CNOT6: variants seen among roughly 807,000 people sequenced by gnomAD.
The protein encoded by CNOT6 is carbon catabolite repression 4 protein.
CNOT6 carries 12 observed loss-of-function variants against 61.2 expected under a neutral mutation model. That is an observed-to-expected ratio of 0.20 (90% CI 0.13 to 0.32). CNOT6 has a LOEUF of 0.32. CNOT6 is among the 10% of genes least tolerant of loss of function. The pLI, the probability that CNOT6 is intolerant of heterozygous loss-of-function variation, is 1.00. For synonymous variants in CNOT6, 225 were observed against 240.6 expected, an observed-to-expected ratio of 0.94 and a Z score of 0.60; for missense variants, 405 against 663.9, an observed-to-expected ratio of 0.61 and a Z score of 4.28.
chr5:180,564,505 G>A lies in CNOT6; in HGVS notation c.402G>A (p.Gln134=). 1 of 1,612,018 alleles carries A rather than the reference G, an allele frequency of 6.2e-7. No homozygotes were observed. The highest frequency in any genetic ancestry group is 8.5e-7 in the Non-Finnish European group (1 of 1,178,260). Residue 134 remains glutamine (Q), a synonymous_variant, in exon 5 of 12, where the codon CAG becomes CAA. Transcript: ENST00000261951. ...TATTTCCAGGAAATCCCCTTACCCAGGATATATTGAACCTTTATCAGGAAC... is the reference window on the plus strand; with the variant it reads ...TATTTCCAGGAAATCCCCTTACCCAAGATATATTGAACCTTTATCAGGAAC... The part of the protein sequence containing the change: ...TLGLKGNPLT[Q]DILNLYQEPD...
intron 1 of CNOT6, among the ~76,000 whole-genome samples, chr5:180,528,975 C>T (rs1435117348): frequency 6.6e-6 from 1 of 152,018 alleles, no homozygotes; most frequent in Non-Finnish European, 1.5e-5. Context: ...CTTTGGGAGG[C>T]CAAGGCGGGC....
intron 1 of CNOT6, among the ~76,000 whole-genome samples, chr5:180,505,166 T>C (rs1375605284): frequency 7.0e-6 from 1 of 142,368 alleles, no homozygotes; most frequent in Non-Finnish European, 1.5e-5. Context: ...TTCACCGTGT[T>C]AGCCATCCTG....
chr5:180,560,421 TTC>T (rs1262693606), intron 4 of CNOT6, among the ~76,000 whole-genome samples: 1 of 152,084 alleles, frequency 6.6e-6, no homozygotes, highest in African/African-American at 2.4e-5. Context: ...TGGCAGCAGA[TTC>T]TGTTAGTTTT....
intron 3 of CNOT6, among the ~76,000 whole-genome samples, chr5:180,550,684 G>A (rs1308831030): frequency 1.3e-5 from 2 of 152,132 alleles, no homozygotes; most frequent in Admixed American, 6.6e-5. Context: ...CAGAGAGTGG[G>A]TAGACTGCAA....
rs140580854 is a variant in CNOT6 at position 180,567,270 on chromosome 5, C to T, written c.872+28C>T. On this transcript the variant is annotated intron_variant, in intron 8 of 11. Transcript: ENST00000261951. The stretch of plus-strand genomic sequence containing the variant: ...AAGTCATCTTATTTTTTAAAAAGAA[C>T]GTTTTCTCAGTATTTGCAGGGTGGG... 1,391 of 1,587,502 alleles carry T rather than the reference C, an allele frequency of 8.8e-4. 2 individuals carry two copies. Among genetic ancestry groups the T allele is most frequent in the Non-Finnish European group, 1.1e-3 (1,313 of 1,170,140 alleles).
In CNOT6 at chr5:180,533,347, C is replaced by T. The variant is rs1436189064; in HGVS notation, c.112+3959C>T. Among the ~76,000 whole-genome samples, 73 of 118,552 alleles carry T rather than the reference C, an allele frequency of 6.2e-4. 1 individual carries two copies. The highest frequency in any genetic ancestry group is 8.3e-3 in the Middle Eastern group (2 of 240). 77.8% of individuals were successfully genotyped at this position (118,552 alleles called of 152,430 possible). A position where few individuals can be genotyped will look rare whatever the true frequency, so the allele number is the denominator to read the frequency against. ...ATATATATATATATATATATATCAC[C>T]GTAATACAACATAGGAAGGAAGAGG... is the stretch of plus-strand genomic sequence containing the variant. On this transcript the variant is annotated intron_variant, in intron 2 of 11. Transcript: ENST00000261951.
intron 1 of CNOT6, among the ~76,000 whole-genome samples, chr5:180,494,993 C>A (rs1008653678): frequency 2.7e-5 from 4 of 149,646 alleles, no homozygotes; most frequent in African/African-American, 1.0e-4. Flanking sequence ...CGTTGATTGA[C>A]GGCGGCGGCG....
In CNOT6 at chr5:180,564,616, C is replaced by T. The variant is rs182756261; in HGVS notation, c.490+23C>T. On this transcript the variant is annotated intron_variant, in intron 5 of 11. Coordinates refer to ENST00000261951, the MANE Select transcript of CNOT6 (RefSeq NM_001370472.1). Reference sequence around the variant, plus strand: ...GAAGTAAGTGGTTATTTGTTTAAACCTTTTTATTAGGAAGACGTGTAAGAA... The same window carrying T: ...GAAGTAAGTGGTTATTTGTTTAAACTTTTTTATTAGGAAGACGTGTAAGAA... 7.5e-6 allele frequency: 12 copies of T among 1,609,174 alleles called. No homozygotes were observed. In the East Asian group the frequency reaches 2.2e-4, roughly 30 times the overall value.
intron 2 of CNOT6, among the ~76,000 whole-genome samples, chr5:180,536,391 T>A (rs1758701629): frequency 6.6e-6 from 1 of 152,164 alleles, no homozygotes; most frequent in South Asian, 2.1e-4. Context: ...TTTCTCTCAT[T>A]CTGTAGTGTT....
At chr5:180,572,756 A>G (rs1214804572) in intron 11 of CNOT6, among the ~76,000 whole-genome samples, 1 of 151,168 alleles carries the variant, frequency 6.6e-6, no homozygotes, top group Non-Finnish European at 1.5e-5. Flanking sequence ...AGGTTTTGCT[A>G]TATTGCCCAG....
chr5:180,496,866 T>C (rs776450996), intron 1 of CNOT6, among the ~76,000 whole-genome samples: 6 of 152,190 alleles, frequency 3.9e-5, no homozygotes, highest in Non-Finnish European at 8.8e-5. Flanking sequence ...GCCTGTTCAA[T>C]TTGTAGGTAT....
At chr5:180,526,340 TGAGAG>T (rs1167352928) in intron 1 of CNOT6, among the ~76,000 whole-genome samples, 2 of 152,082 alleles carry the variant, frequency 1.3e-5, no homozygotes, top group Non-Finnish European at 2.9e-5. Context: ...CATAATGTGA[TGAGAG>T]GAAGGAAGGG....
At chr5:180,519,197 T>C (rs1757779114) in intron 1 of CNOT6, among the ~76,000 whole-genome samples, 1 of 152,210 alleles carries the variant, frequency 6.6e-6, no homozygotes, top group Non-Finnish European at 1.5e-5. Context: ...TAAGTTGTTT[T>C]GAAACAAAGA....
chr5:180,572,257 T>G (rs550598681), intron 11 of CNOT6, among the ~76,000 whole-genome samples: 40 of 151,976 alleles, frequency 2.6e-4, no homozygotes, highest in African/African-American at 8.9e-4. Context: ...TGGCGTGATC[T>G]CGGCTCACTG....
At chr5:180,507,457 C>T (rs1486860031) in intron 1 of CNOT6, among the ~76,000 whole-genome samples, 2 of 152,044 alleles carry the variant, frequency 1.3e-5, no homozygotes, top group African/African-American at 4.8e-5. Flanking sequence ...AAAAAATTAG[C>T]CAGGCGTGGT....
Position 180,576,962 on chromosome 5 carries a change from A to T in CNOT6, c.*2762A>T, listed in dbSNP as rs1171105955. On this transcript the variant is annotated 3_prime_UTR_variant, in exon 12 of 12. Coordinates refer to ENST00000261951, the MANE Select transcript of CNOT6 (RefSeq NM_001370472.1). ...GGGCATGTTTTCTGTTTTAAAGACC[A>T]GAAGTTTGAAGGCACCCAAATCCTT... 6.6e-6 allele frequency: 1 copy of T among 152,410 alleles called. No individual in the cohort carries two copies. Among genetic ancestry groups the T allele is most frequent in the African/African-American group, 2.4e-5 (1 of 41,472 alleles). 9.4% of individuals were successfully genotyped at this position (152,410 alleles called of 1,614,324 possible). A position where few individuals can be genotyped will look rare whatever the true frequency, so the allele number is the denominator to read the frequency against.
At chr5:180,526,444 G>A (rs1758106016) in intron 1 of CNOT6, among the ~76,000 whole-genome samples, 1 of 152,176 alleles carries the variant, frequency 6.6e-6, no homozygotes, top group South Asian at 2.1e-4. Flanking sequence ...GGGATAGATG[G>A]GCATAGGTGG....
intron 10 of CNOT6, among the ~76,000 whole-genome samples, chr5:180,570,747 A>T (rs964331947): frequency 6.6e-6 from 1 of 152,230 alleles, no homozygotes; most frequent in Non-Finnish European, 1.5e-5. Flanking sequence ...TTCACCAGGG[A>T]TGTGGACGTT....
intron 1 of CNOT6, among the ~76,000 whole-genome samples, chr5:180,499,834 A>C (rs995806291): frequency 6.6e-6 from 1 of 152,238 alleles, no homozygotes; most frequent in African/African-American, 2.4e-5. Flanking sequence ...TAGAAGAATT[A>C]CTTATAATCA....
Sources: gnomAD v4.1 joint callset for allele counts (sites outside exome capture counted in the v4.1 genomes callset) on GRCh38, gnomAD v4.1.1 for gene constraint, MANE v1.5 for transcripts, NCBI Gene and HGNC (gene_info 2026-07-23, HGNC 2026-07-21) for gene names.